LAMB3: variants seen among roughly 807,000 people sequenced by gnomAD.
The protein encoded by LAMB3 is laminin subunit beta-3.
Under a neutral mutation model 140.3 loss-of-function variants are expected in LAMB3, and 104 were observed. The ratio of observed to expected loss-of-function variants is 0.74; its 90% CI spans 0.63 to 0.87. The LOEUF is 0.87. LAMB3 is among the 40% of genes least tolerant of loss of function. The pLI, the probability that LAMB3 is intolerant of heterozygous loss-of-function variation, is 0.00. For missense variants in LAMB3, 1,531 were observed against 1,575.2 expected, an observed-to-expected ratio of 0.97 and a Z score of 0.47; for synonymous variants, 592 against 602.9, an observed-to-expected ratio of 0.98 and a Z score of 0.26.
chr1:209,648,458 T>C (rs1043072493), intron 3 of LAMB3, among the ~76,000 whole-genome samples: 2 of 152,222 alleles, frequency 1.3e-5, no homozygotes, highest in Non-Finnish European at 2.9e-5. Flanking sequence ...AGCCAGTGCT[T>C]CTCAGCTTTC....
chr1:209,630,541 T>G, intron 9 of LAMB3, 74 bp downstream of exon 9: 288 of 1,514,344 alleles, frequency 1.9e-4, no homozygotes, highest in Non-Finnish European at 2.4e-4. Flanking sequence ...GCATCCCAGG[T>G]GAGATCATCA....
chr1:209,633,294 G>C (rs566750796), intron 6 of LAMB3, among the ~76,000 whole-genome samples, 161 bp from the exon 7 acceptor site: 4 of 152,292 alleles, frequency 2.6e-5, no homozygotes, highest in African/African-American at 9.6e-5. Context: ...TGCTGTGGGG[G>C]AGAAAGATGA....
In LAMB3 at chr1:209,630,728, T is replaced by C; in HGVS notation, c.830A>G (p.Asp277Gly). The change falls in exon 9 of 23, where the codon GAT becomes GGT. Residue 277 changes from aspartate to glycine, a missense_variant. By Grantham distance (94) the Asp-to-Gly change is moderately conservative (BLOSUM62 -1). Transcript: ENST00000356082. ...AGTGTTGTGCTGGCAGACACAGACA[T>C]CGTGGACCTGGGAGGGGGACCGTCA... ...AGPSTAVQVH[D>G]VCVCQHNTAG... 1 of 1,613,822 alleles carries C rather than the reference T, an allele frequency of 6.2e-7. No individual in the cohort carries two copies.
intron 5 of LAMB3, among the ~76,000 whole-genome samples, chr1:209,634,922 TCTCTCTCTC>T (rs1394818434): frequency 8.4e-5 from 1 of 11,856 alleles, no homozygotes; most frequent in Non-Finnish European, 1.8e-4. Flanking sequence ...TTTTATTCTC[TCTCTCTCTC>T]TCTCTCTCTC....
rs761951206 is a variant in LAMB3, at chr1:209,616,508, C to T, written c.3345G>A (p.Leu1115=). 1.9e-6 allele frequency: 3 copies of T among 1,614,090 alleles called. No homozygotes were observed. The African/African-American group carries it at 4.0e-5, about 22-fold the overall frequency. Residue 1115 remains leucine (L), a synonymous_variant, in exon 22 of 23, where the codon CTG becomes CTA. Transcript: ENST00000356082. ...CCATCATCTCCATGGTCTCCCCAAA[C>T]AGCTCCTCTGCCTCTGTCTTCACAC... The part of the protein sequence containing the change: ...IQSVKTEAEE[L]FGETMEMMDR...
chr1:209,622,899 A>G (rs1666255351), intron 17 of LAMB3, 83 bp downstream of exon 17: 6 of 1,517,540 alleles, frequency 4.0e-6, no homozygotes, highest in Middle Eastern at 2.2e-4. Context: ...ACTTTAGTGT[A>G]AAATGGGAAC....
chr1:209,640,889 G>C (rs572159339), intron 3 of LAMB3, among the ~76,000 whole-genome samples: 2 of 151,872 alleles, frequency 1.3e-5, no homozygotes, highest in African/African-American at 4.8e-5. Context: ...AGACCATCCT[G>C]GCTAACACAG....
intron 3 of LAMB3, among the ~76,000 whole-genome samples, chr1:209,649,218 C>A (rs546505711): frequency 5.1e-4 from 77 of 152,328 alleles, no homozygotes; most frequent in African/African-American, 1.7e-3. Context: ...AAGGCTACAG[C>A]AACTCGGGAC....
intron 3 of LAMB3, among the ~76,000 whole-genome samples, chr1:209,642,348 T>G (rs1277334864): frequency 6.6e-6 from 1 of 152,214 alleles, no homozygotes; most frequent in Admixed American, 6.5e-5. Flanking sequence ...ATTGCTGATA[T>G]TCACCCATTT....
chr1:209,625,697 C>T lies in LAMB3; in HGVS notation c.1927G>A (p.Val643Ile). 6.2e-7 allele frequency: 1 copy of T among 1,614,142 alleles called. No individual in the cohort carries two copies. Among genetic ancestry groups the T allele is most frequent in the Non-Finnish European group, 8.5e-7 (1 of 1,180,026 alleles). ...ACCTGAGCCACCTCCTGCTCTGTGA[C>T]TGCGGGGCTGCTGAGAACTGCTCGG... Reference protein sequence around the residue: ...QIRAVLSSPAVTEQEVAQVAS... With the variant: ...QIRAVLSSPAITEQEVAQVAS... Residue 643 changes from valine to isoleucine, a missense_variant, in exon 14 of 23, where the codon GTC becomes ATC. Transcript: ENST00000356082.
intron 5 of LAMB3, among the ~76,000 whole-genome samples, chr1:209,636,115 T>C (rs1666886267): frequency 6.6e-6 from 1 of 150,450 alleles, no homozygotes; most frequent in East Asian, 2.0e-4. Context: ...TATTTCAGCA[T>C]CTTGTTTCCT....
At chr1:209,619,522 G>A (rs959718461) in intron 18 of LAMB3, among the ~76,000 whole-genome samples, 9 of 152,150 alleles carry the variant, frequency 5.9e-5, no homozygotes, top group Admixed American at 6.5e-5. Flanking sequence ...TTTCCTGATC[G>A]GTGAAAAAGG....
Position 209,647,752 on chromosome 1 carries a change from A to T in LAMB3, c.183+2212T>A, listed in dbSNP as rs1033718916. On this transcript the variant is annotated intron_variant, in intron 3 of 22. Coordinates refer to ENST00000356082, the MANE Select transcript of LAMB3 (RefSeq NM_000228.3). Reference sequence around the variant, plus strand: ...AACTACTCAGAAAACTCAATACACGATATGTTTCTCTCGGAAGTCTAAGAT... The same window carrying T: ...AACTACTCAGAAAACTCAATACACGTTATGTTTCTCTCGGAAGTCTAAGAT... Among the ~76,000 whole-genome samples the T allele has an allele frequency of 3.9e-5, 6 of 152,128 alleles. No homozygotes were observed. The East Asian group carries it at 1.2e-3, about 29-fold the overall frequency.
At position 209,630,741 on chromosome 1, in the gene LAMB3, AG is replaced by A; in HGVS notation, c.823-7del. On this transcript the variant is annotated splice_region_variant and splice_polypyrimidine_tract_variant and intron_variant, in intron 8 of 22. Transcript: ENST00000356082. ...CAGACACAGACATCGTGGACCTGGG[AG>A]GGGGACCGTCAGCCATCAGGAGTAA... 1 of 1,613,636 alleles carries A rather than the reference AG, an allele frequency of 6.2e-7. No individual in the cohort carries two copies. The highest frequency in any genetic ancestry group is 1.7e-5 in the Admixed American group (1 of 60,008).
chr1:209,638,611 G>A lies in LAMB3; in HGVS notation c.221C>T (p.Pro74Leu). 6.2e-7 allele frequency: 1 copy of A among 1,614,052 alleles called. No individual in the cohort carries two copies. Among genetic ancestry groups the A allele is most frequent in the African/African-American group, 1.3e-5 (1 of 75,050 alleles). The change falls in exon 4 of 23, where the codon CCT becomes CTT. Residue 74 changes from proline (P) to leucine (L), a missense_variant. Physicochemically the swap from Pro to Leu is moderately conservative, Grantham distance 98 (BLOSUM62 -3). Transcript: ENST00000356082. ...MKCCKCDSRQPHNYYSHRVEN... is the reference protein window; with the variant it reads ...MKCCKCDSRQLHNYYSHRVEN... ...TACTCGGTGACTGTAGTAGTTGTGA[G>A]GCTGCCTGGAGTCACACTTGCAGCA...
intron 18 of LAMB3, among the ~76,000 whole-genome samples, chr1:209,620,679 T>C (rs779148449): frequency 3.9e-5 from 6 of 152,238 alleles, no homozygotes; most frequent in Non-Finnish European, 8.8e-5. Context: ...CCTAGATTAC[T>C]TGTGTGCAAA....
At position 209,628,078 on chromosome 1, in the gene LAMB3, C is replaced by T. The variant is rs572149945; in HGVS notation, c.1245G>A (p.Pro415=). 3.9e-5 allele frequency: 62 copies of T among 1,606,710 alleles called. No homozygotes were observed. The highest frequency in any genetic ancestry group is 5.3e-5 in the African/African-American group (4 of 74,910). Residue 415 remains proline (P), a synonymous_variant, in exon 11 of 23, where the codon CCG becomes CCA. Transcript: ENST00000356082. The part of the protein sequence containing the change: ...VQGERCDLCK[P]GFTGLTYANP... ...TGGCGTAGGTGAGTCCAGTGAAGCC[C>T]GGCTTGCATAGGTCACAGCGCTCTC...
Position 209,641,082 on chromosome 1 carries a change from C to CA in LAMB3, c.184-2435dup, listed in dbSNP as rs61080331. Among the ~76,000 whole-genome samples the CA allele has an allele frequency of 9.2e-4, 93 of 101,182 alleles. 1 individual carries two copies. Among genetic ancestry groups the CA allele is most frequent in the Middle Eastern group, 6.3e-3 (1 of 160 alleles). The allele number at this position is 101,182 out of a possible 152,430, so 66.4% of individuals were successfully genotyped here. ...TGGGCAACAGAGCGAGACTCTGTCTCAAAAAAAAAAAAAAAATTTAAAAAA... is the reference window on the plus strand; with the variant it reads ...TGGGCAACAGAGCGAGACTCTGTCTCAAAAAAAAAAAAAAAAATTTAAAAAA... On this transcript the variant is annotated intron_variant, in intron 3 of 22. Transcript: ENST00000356082.
chr1:209,645,459 G>A (rs1232566380), intron 3 of LAMB3, among the ~76,000 whole-genome samples: 1 of 152,124 alleles, frequency 6.6e-6, no homozygotes, highest in South Asian at 2.1e-4. Context: ...GCTCACACCT[G>A]TAATCCAGCA....
Sources: allele counts gnomAD v4.1 joint callset (sites outside exome capture counted in the v4.1 genomes callset), GRCh38; gene constraint gnomAD v4.1.1; transcripts MANE v1.5; gene names NCBI Gene and HGNC (gene_info 2026-07-23, HGNC 2026-07-21).